The following NAA11 variants were observed in gnomAD, a reference collection of about 807,000 sequenced individuals.
NAA11 encodes the protein N-alpha-acetyltransferase 11, NatA catalytic subunit.
NAA11 carries 15 observed loss-of-function variants against 16.1 expected under a neutral mutation model. That is an observed-to-expected ratio of 0.93 (90% CI 0.62 to 1.44). The LOEUF (loss-of-function observed/expected upper bound fraction) is 1.44, where lower values mean the gene tolerates loss of function less well. NAA11 is among the 40% of genes most tolerant of loss of function. The pLI is 0.00. For missense variants in NAA11, 298 were observed against 291.3 expected (o/e 1.02, Z -0.17); for synonymous variants, 122 against 112.4 (o/e 1.09, Z -0.54).
At chr4:79,218,769 A>T in the NAA11 span, among the ~76,000 whole-genome samples, 1 of 152,216 alleles carries the variant, frequency 6.6e-6, no homozygotes, top group African/African-American at 2.4e-5. Flanking sequence ...ATTTCAAATT[A>T]CTTTGGAAAG....
At chr4:79,156,439 A>G in the NAA11 span, among the ~76,000 whole-genome samples, 17,907 of 152,142 alleles carry the variant, frequency 0.12, 1,329 homozygotes, top group Middle Eastern at 0.21. Context: ...TGGCAAGTCT[A>G]AAATCTGCAG....
intron 2 of NAA11, among the ~76,000 whole-genome samples, chr4:79,264,091 G>A (rs568332507): frequency 6.6e-6 from 1 of 152,202 alleles, no homozygotes; most frequent in Non-Finnish European, 1.5e-5. Context: ...CTCTTCTCCT[G>A]TTTAAATCAA....
At chr4:79,272,306 G>A (rs916074856) in intron 2 of NAA11, among the ~76,000 whole-genome samples, 7 of 151,918 alleles carry the variant, frequency 4.6e-5, no homozygotes, top group African/African-American at 1.7e-4. Flanking sequence ...CAAACTTGTT[G>A]GAGTTCTATT....
At chr4:79,320,679 C>A (rs1724064360) in intron 1 of NAA11, among the ~76,000 whole-genome samples, 1 of 152,174 alleles carries the variant, frequency 6.6e-6, no homozygotes, top group African/African-American at 2.4e-5. Flanking sequence ...TTTTTATTAC[C>A]ATTTTTTAGA....
At chr4:79,237,051 G>A (rs1721585950) in intron 2 of NAA11, among the ~76,000 whole-genome samples, 2 of 152,102 alleles carry the variant, frequency 1.3e-5, no homozygotes, top group South Asian at 4.1e-4. Context: ...CCCTTTCTTA[G>A]AGTACATGCA....
At chr4:79,306,551 A>G (rs1175380425) in intron 1 of NAA11, 1 of 152,156 alleles carries the variant, frequency 6.6e-6, no homozygotes, top group Non-Finnish European at 1.5e-5. Context: ...ACATTCTCAG[A>G]GAGTAGGAAT....
intron 2 of NAA11, among the ~76,000 whole-genome samples, chr4:79,282,528 A>T (rs1722817540): frequency 6.6e-6 from 1 of 152,086 alleles, no homozygotes; most frequent in African/African-American, 2.4e-5. Flanking sequence ...GAGGGAAGGA[A>T]AGGTTTTCTA....
chr4:79,246,377 T>TA (rs869224539), intron 2 of NAA11, among the ~76,000 whole-genome samples: 383 of 22,370 alleles, frequency 0.017, 2 homozygotes, highest in Non-Finnish European at 0.027. Flanking sequence ...CAATAAATAC[T>TA]AAAAAAAAAA....
chr4:79,271,464 G>C (rs1226451515), intron 2 of NAA11, among the ~76,000 whole-genome samples: 1 of 151,896 alleles, frequency 6.6e-6, no homozygotes, highest in African/African-American at 2.4e-5. Flanking sequence ...ATTTTTTTTG[G>C]TAAAGGAGAA....
the NAA11 span, among the ~76,000 whole-genome samples, chr4:79,170,925 C>CA: frequency 5.1e-4 from 22 of 43,556 alleles, no homozygotes; most frequent in African/African-American, 7.5e-4. Context: ...ATAGCATTCA[C>CA]AAAAAAACAA....
chr4:79,228,249 G>A (rs1721371088), intron 2 of NAA11, among the ~76,000 whole-genome samples: 1 of 151,946 alleles, frequency 6.6e-6, no homozygotes, highest in East Asian at 1.9e-4. Context: ...TTTTTGACAG[G>A]ATTTTCCAAC....
chr4:79,200,744 C>T, the NAA11 span, among the ~76,000 whole-genome samples: 1 of 151,662 alleles, frequency 6.6e-6, no homozygotes, highest in African/African-American at 2.4e-5. Context: ...CTTGTTCTTC[C>T]AGTGAGACCC....
At chr4:79,238,632 A>G (rs1178817742) in intron 2 of NAA11, among the ~76,000 whole-genome samples, 2 of 152,214 alleles carry the variant, frequency 1.3e-5, no homozygotes, top group East Asian at 3.8e-4. Context: ...CAGGGTAATA[A>G]AAGTGAAGGA....
intron 2 of NAA11, among the ~76,000 whole-genome samples, chr4:79,256,729 T>G (rs1722121546): frequency 6.7e-6 from 1 of 150,070 alleles, no homozygotes; most frequent in Non-Finnish European, 1.5e-5. Flanking sequence ...CTTGGCTCAC[T>G]GCAACTTCCA....
the NAA11 span, among the ~76,000 whole-genome samples, chr4:79,165,045 C>T: frequency 1.3e-5 from 2 of 152,160 alleles, no homozygotes; most frequent in African/African-American, 4.8e-5. Flanking sequence ...GCTGCCATGC[C>T]AATTACTGGA....
intron 2 of NAA11, among the ~76,000 whole-genome samples, chr4:79,268,120 G>C (rs1722392245): frequency 6.6e-6 from 1 of 152,116 alleles, no homozygotes; most frequent in African/African-American, 2.4e-5. Context: ...GAGCATTGAT[G>C]AATCTGAAGG....
At chr4:79,215,552 T>C in the NAA11 span, among the ~76,000 whole-genome samples, 1 of 152,180 alleles carries the variant, frequency 6.6e-6, no homozygotes, top group Non-Finnish European at 1.5e-5. Context: ...AAGTGGACCA[T>C]GAAAAAGTAA....
chr4:79,237,450 A>G (rs577478026), intron 2 of NAA11, among the ~76,000 whole-genome samples: 1 of 152,340 alleles, frequency 6.6e-6, no homozygotes, highest in South Asian at 2.1e-4. Flanking sequence ...TCTTTACAAT[A>G]ATCTGTGATT....
chr4:79,186,175 G>A, the NAA11 span, among the ~76,000 whole-genome samples: 1 of 152,128 alleles, frequency 6.6e-6, no homozygotes, highest in Non-Finnish European at 1.5e-5. Context: ...ATTTTAAAAG[G>A]TGTTCCCCCC....
Sources: allele counts gnomAD v4.1 joint callset (sites outside exome capture counted in the v4.1 genomes callset), GRCh38; gene constraint gnomAD v4.1.1; transcripts MANE v1.5; gene names NCBI Gene and HGNC (gene_info 2026-07-23, HGNC 2026-07-21).